CDH10: variants seen among roughly 807,000 people sequenced by gnomAD.
CDH10 encodes the protein cadherin 10.
A neutral mutation model predicts 73.1 loss-of-function variants in CDH10; 30 were observed. The ratio of observed to expected loss-of-function variants is 0.41; its 90% CI spans 0.31 to 0.56. The LOEUF is 0.56. CDH10 is among the 20% of genes least tolerant of loss of function. The probability of loss-of-function intolerance (pLI) is 0.27; values close to 1 mark genes in which losing one functional copy is unlikely to be tolerated. For synonymous variants in CDH10, 345 were observed against 348.2 expected, an observed-to-expected ratio of 0.99 and a Z score of 0.10; for missense variants, 815 against 973.7, an observed-to-expected ratio of 0.84 and a Z score of 2.17.
chr5:24,636,548 T>C (rs1444239834), intron 1 of CDH10, among the ~76,000 whole-genome samples: 1 of 151,942 alleles, frequency 6.6e-6, no homozygotes, highest in Non-Finnish European at 1.5e-5. Flanking sequence ...ATGAAGTGCT[T>C]ATTTTCATTA....
At chr5:24,563,597 C>CAAAAAAAAAAA (rs70965616) in intron 2 of CDH10, among the ~76,000 whole-genome samples, 2 of 88,728 alleles carry the variant, frequency 2.3e-5, no homozygotes, top group Non-Finnish European at 2.1e-5. Flanking sequence ...ACTAAAAATA[C>CAAAAAAAAAAA]AAAAAAAAAA....
At chr5:24,631,492 C>A (rs1219819144) in intron 1 of CDH10, among the ~76,000 whole-genome samples, 2 of 151,934 alleles carry the variant, frequency 1.3e-5, no homozygotes, top group Non-Finnish European at 2.9e-5. Context: ...GCATGCAGAT[C>A]AGCTCAGCCA....
intron 1 of CDH10, among the ~76,000 whole-genome samples, chr5:24,619,144 C>T (rs192331062): frequency 2.6e-5 from 4 of 152,088 alleles, no homozygotes; most frequent in Non-Finnish European, 4.4e-5. Flanking sequence ...GCAGAGCAAT[C>T]TCCTTCAAGA....
chr5:24,550,140 G>A (rs1025592875), intron 2 of CDH10, among the ~76,000 whole-genome samples: 4 of 152,026 alleles, frequency 2.6e-5, no homozygotes, highest in Admixed American at 2.0e-4. Context: ...TCATGTCTTT[G>A]GATATAGAAA....
At chr5:24,626,085 C>T (rs756157607) in intron 1 of CDH10, among the ~76,000 whole-genome samples, 20 of 152,050 alleles carry the variant, frequency 1.3e-4, no homozygotes, top group Non-Finnish European at 2.2e-4. Flanking sequence ...ACAAAGTCAA[C>T]GCAAAAAATA....
At chr5:24,554,354 T>C (rs957921580) in intron 2 of CDH10, among the ~76,000 whole-genome samples, 26 of 152,074 alleles carry the variant, frequency 1.7e-4, no homozygotes, top group African/African-American at 6.3e-4. Flanking sequence ...TTTATGAGTA[T>C]AATGTATATA....
At chr5:24,513,770 C>T (rs1000891371) in intron 5 of CDH10, among the ~76,000 whole-genome samples, 2 of 152,114 alleles carry the variant, frequency 1.3e-5, no homozygotes, top group Admixed American at 1.3e-4. Flanking sequence ...CTTATTGGTT[C>T]TCTTTGCCTT....
intron 1 of CDH10, among the ~76,000 whole-genome samples, 194 bp downstream of exon 1, chr5:24,644,400 C>T (rs545652558): frequency 6.6e-6 from 1 of 151,986 alleles, no homozygotes; most frequent in Non-Finnish European, 1.5e-5. Context: ...TATAGATATT[C>T]GAAGCAGTTG....
chr5:24,639,493 C>T (rs1747974298), intron 1 of CDH10, among the ~76,000 whole-genome samples: 1 of 151,544 alleles, frequency 6.6e-6, no homozygotes, highest in African/African-American at 2.4e-5. Context: ...AGAGAGAATT[C>T]CCAGTATAAC....
intron 1 of CDH10, 135 bp from the exon 2 acceptor site, chr5:24,593,748 G>A (rs1019608855): frequency 3.2e-5 from 14 of 431,542 alleles, no homozygotes; most frequent in African/African-American, 1.4e-4. Flanking sequence ...ATACAATAAC[G>A]GATAGCTTTG....
intron 7 of CDH10, among the ~76,000 whole-genome samples, chr5:24,508,033 A>G (rs1742763068): frequency 6.6e-6 from 1 of 152,234 alleles, no homozygotes; most frequent in South Asian, 2.1e-4. Flanking sequence ...GGCATATAAA[A>G]TTAGAAGTTT....
At chr5:24,619,386 G>A (rs909987346) in intron 1 of CDH10, among the ~76,000 whole-genome samples, 2 of 152,062 alleles carry the variant, frequency 1.3e-5, no homozygotes, top group Non-Finnish European at 2.9e-5. Context: ...GTAGAGACGA[G>A]GTTTCACCGT....
At chr5:24,506,630 A>C (rs2111735018) in intron 7 of CDH10, among the ~76,000 whole-genome samples, 1 of 152,302 alleles carries the variant, frequency 6.6e-6, no homozygotes, top group Non-Finnish European at 1.5e-5. Flanking sequence ...AATGAGTATT[A>C]TTTGATTATC....
intron 5 of CDH10, among the ~76,000 whole-genome samples, chr5:24,520,997 T>C (rs1246593348): frequency 1.3e-5 from 2 of 152,026 alleles, no homozygotes; most frequent in Non-Finnish European, 2.9e-5. Flanking sequence ...TGAGCCACCG[T>C]GCCCGGCCAC....
At chr5:24,592,068 T>C (rs1746218546) in intron 2 of CDH10, among the ~76,000 whole-genome samples, 1 of 151,844 alleles carries the variant, frequency 6.6e-6, no homozygotes, top group Non-Finnish European at 1.5e-5. Flanking sequence ...CTGGTAAGAT[T>C]CCTTTGGTTG....
chr5:24,606,876 T>C (rs1193774927), intron 1 of CDH10, among the ~76,000 whole-genome samples: 3 of 152,210 alleles, frequency 2.0e-5, no homozygotes, highest in Non-Finnish European at 4.4e-5. Flanking sequence ...GGTTTCTTTA[T>C]TCTACTCTGA....
intron 1 of CDH10, among the ~76,000 whole-genome samples, chr5:24,640,155 C>T (rs1433475265): frequency 6.6e-6 from 1 of 151,312 alleles, no homozygotes; most frequent in Non-Finnish European, 1.5e-5. Flanking sequence ...ACAAGATTTA[C>T]AGAAATATAA....
At chr5:24,572,499 A>T (rs963003389) in intron 2 of CDH10, among the ~76,000 whole-genome samples, 14 of 152,108 alleles carry the variant, frequency 9.2e-5, no homozygotes, top group Non-Finnish European at 2.9e-5. Flanking sequence ...AAGCTGACAG[A>T]ATTCAGTTTG....
intron 5 of CDH10, among the ~76,000 whole-genome samples, chr5:24,518,884 CTTTTTTTTT>C (rs36019861): frequency 1.5e-4 from 12 of 77,430 alleles, no homozygotes; most frequent in Non-Finnish European, 2.6e-4. Flanking sequence ...GACATGTGCA[CTTTTTTTTT>C]TTTTTTTTTT....
Sources: allele counts gnomAD v4.1 joint callset (sites outside exome capture counted in the v4.1 genomes callset), GRCh38; gene constraint gnomAD v4.1.1; transcripts MANE v1.5; gene names NCBI Gene and HGNC (gene_info 2026-07-23, HGNC 2026-07-21).